The following ATPAF1 variants were observed in gnomAD, a reference collection of about 807,000 sequenced individuals.
ATPAF1 encodes ATP synthase mitochondrial F1 complex assembly factor 1.
Under a neutral mutation model 43.9 loss-of-function variants are expected in ATPAF1, and 26 were observed. The observed-to-expected ratio is 0.59, with a 90% CI of 0.43 to 0.82. ATPAF1 has a LOEUF of 0.82. Ranked by LOEUF, ATPAF1 falls within the 40% of genes least tolerant of loss-of-function variation. The pLI is 0.00. For synonymous variants in ATPAF1, 157 were observed against 168.0 expected, an observed-to-expected ratio of 0.93 and a Z score of 0.50; for missense variants, 366 against 435.0, an observed-to-expected ratio of 0.84 and a Z score of 1.41.
chr1:46,656,984 T>G (rs1188638554), intron 4 of ATPAF1, among the ~76,000 whole-genome samples: 1 of 152,152 alleles, frequency 6.6e-6, no homozygotes, highest in Non-Finnish European at 1.5e-5. Flanking sequence ...TGATACAGCA[T>G]ACAAAGGAAA....
At position 46,663,276 on chromosome 1, in the gene ATPAF1, G is replaced by T. The variant is rs571950390; in HGVS notation, c.375+1980C>A. Among the ~76,000 whole-genome samples the T allele has an allele frequency of 5.9e-5, 9 of 152,250 alleles. No individual in the cohort carries two copies. In the East Asian group the frequency reaches 1.5e-3, roughly 26 times the overall value. On this transcript the variant is annotated intron_variant, in intron 2 of 8. Transcript: ENST00000574428. ...ATGTGTCTTTATAGCAGCATGATTT[G>T]TAATCCTTTGGGTATATACCCAGTA...
In ATPAF1 at chr1:46,635,977, G is replaced by A. The variant is rs200142521; in HGVS notation, c.793-7C>T. 1.1e-5 allele frequency: 17 copies of A among 1,613,684 alleles called. No individual in the cohort carries two copies. Among genetic ancestry groups the A allele is most frequent in the Admixed American group, 1.7e-5 (1 of 60,006 alleles). On this transcript the variant is annotated splice_region_variant and splice_polypyrimidine_tract_variant and intron_variant, in intron 8 of 8. Transcript: ENST00000574428. ...ACTGTGCCTCAGCAACATTCTGTAA[G>A]GTAAAAAGAATAATGAGGTCCTTTC... is the stretch of plus-strand genomic sequence containing the variant.
In ATPAF1 at chr1:46,653,294, G is replaced by A. The variant is rs1209918376; in HGVS notation, c.540+523C>T. On this transcript the variant is annotated intron_variant, in intron 5 of 8. Transcript: ENST00000574428. This position sits in a 1 kb window ranked among gnomAD's most constrained non-coding sequence, Gnocchi z 4.8. ...GAGAAGCCAGCAGCATCCCTTCTCTGTCACAGACCTTAATGGTCAAGCAGT... is the reference window on the plus strand; with the variant it reads ...GAGAAGCCAGCAGCATCCCTTCTCTATCACAGACCTTAATGGTCAAGCAGT... Among the ~76,000 whole-genome samples the A allele has an allele frequency of 6.6e-6, 1 of 152,020 alleles. No homozygotes were observed. The highest frequency in any genetic ancestry group is 1.5e-5 in the Non-Finnish European group (1 of 68,022).
exon 9 of ATPAF1, chr1:46,635,238 T>TG: frequency 6.5e-6 from 1 of 153,530 alleles, no homozygotes; most frequent in Non-Finnish European, 1.5e-5. Flanking sequence ...AAGGCATCTC[T>TG]GGGGGGCATC....
chr1:46,666,235 G>T, intron 1 of ATPAF1: 1 of 200,968 alleles, frequency 5.0e-6, no homozygotes, highest in East Asian at 1.2e-4. Flanking sequence ...TCATGTAGAT[G>T]GGATGTTTTT....
exon 6 of ATPAF1, chr1:46,652,591 G>A (rs1265439939): frequency 3.1e-6 from 5 of 1,613,230 alleles, no homozygotes; most frequent in Admixed American, 1.7e-5. Flanking sequence ...TGTTGGACAG[G>A]ACTGAGCCCG....
chr1:46,660,668 T>C (rs538119986), intron 2 of ATPAF1, among the ~76,000 whole-genome samples: 2 of 152,312 alleles, frequency 1.3e-5, no homozygotes, highest in East Asian at 3.9e-4. Context: ...TTAAAGCAGT[T>C]GAAACTACAT....
chr1:46,663,518 T>C (rs1440046358), intron 2 of ATPAF1, among the ~76,000 whole-genome samples: 5 of 152,232 alleles, frequency 3.3e-5, no homozygotes, highest in Non-Finnish European at 7.3e-5. Context: ...TTGATTTGCA[T>C]TTCTCCAATG....
chr1:46,646,365 T>G (rs958602278), intron 6 of ATPAF1, among the ~76,000 whole-genome samples: 1 of 152,260 alleles, frequency 6.6e-6, no homozygotes, highest in African/African-American at 2.4e-5. Context: ...TTTCAATTTC[T>G]AAACTTTCTA....
intron 6 of ATPAF1, among the ~76,000 whole-genome samples, chr1:46,646,530 G>T (rs1676048459): frequency 6.6e-6 from 1 of 152,162 alleles, no homozygotes; most frequent in Admixed American, 6.5e-5. Context: ...AAAGAATGGT[G>T]CCAGAACAAA....
At chr1:46,641,624 T>A (rs1171535680) in intron 8 of ATPAF1, among the ~76,000 whole-genome samples, 1 of 152,200 alleles carries the variant, frequency 6.6e-6, no homozygotes, top group Non-Finnish European at 1.5e-5. Flanking sequence ...CTTCCATGTT[T>A]GTGAAATCAG....
At chr1:46,654,623 G>A (rs773395116) in intron 4 of ATPAF1, among the ~76,000 whole-genome samples, 6 of 151,258 alleles carry the variant, frequency 4.0e-5, no homozygotes, top group Non-Finnish European at 7.4e-5. Flanking sequence ...CGTGTGCCAT[G>A]TTGGTTTGCT....
intron 8 of ATPAF1, among the ~76,000 whole-genome samples, chr1:46,640,866 CT>C (rs999566245): frequency 6.6e-6 from 1 of 152,112 alleles, no homozygotes; most frequent in African/African-American, 2.4e-5. Context: ...ACTTTTCTTT[CT>C]TTTCACTGAG....
At position 46,668,359 on chromosome 1, in the gene ATPAF1, G is replaced by T; in HGVS notation, c.-37C>A. 1 of 1,293,988 alleles carries T rather than the reference G, an allele frequency of 7.7e-7. No individual in the cohort carries two copies. The highest frequency in any genetic ancestry group is 9.8e-7 in the Non-Finnish European group (1 of 1,019,794). The allele number at this position is 1,293,988 out of a possible 1,614,324, so 80.2% of individuals were successfully genotyped here. A position where few individuals can be genotyped will look rare whatever the true frequency, so the allele number is the denominator to read the frequency against. On this transcript the variant is annotated 5_prime_UTR_variant, in exon 1 of 9. Transcript: ENST00000574428. This position sits in a 1 kb window ranked among gnomAD's most constrained non-coding sequence, Gnocchi z 4.4. ...CCTCCTCCTCCTCCTCAGGCGCGTCGGCCTCGGCCCGCGGCCCGCGCGCCC... is the reference window on the plus strand; with the variant it reads ...CCTCCTCCTCCTCCTCAGGCGCGTCTGCCTCGGCCCGCGGCCCGCGCGCCC...
intron 8 of ATPAF1, among the ~76,000 whole-genome samples, chr1:46,641,377 C>T (rs1675947056): frequency 6.6e-6 from 1 of 152,206 alleles, no homozygotes; most frequent in African/African-American, 2.4e-5. Context: ...CTGTCCCAGC[C>T]TCAACTGGAC....
chr1:46,656,074 A>G (rs1216997885), intron 4 of ATPAF1, among the ~76,000 whole-genome samples: 1 of 152,224 alleles, frequency 6.6e-6, no homozygotes, highest in Non-Finnish European at 1.5e-5. Flanking sequence ...CATGTAATCT[A>G]AAAGAGGCAC....
At chr1:46,636,183 T>TTGTATTTTTCCTTTTCTTTTTTTG in intron 8 of ATPAF1, 1 of 628,038 alleles carries the variant, frequency 1.6e-6, no homozygotes, top group East Asian at 2.8e-5. Flanking sequence ...TCACACTGTA[T>TTGTATTTTTCCTTTTCTTTTTTTG]TGTATTTTTC....
chr1:46,668,373 G>C, upstream of ATPAF1: 2 of 1,258,994 alleles, frequency 1.6e-6, no homozygotes, highest in Non-Finnish European at 2.0e-6. This position sits in a 1 kb window ranked among gnomAD's most constrained non-coding sequence, Gnocchi z 4.4. Flanking sequence ...TCGGCCCGCG[G>C]CCCGCGCGCC....
At chr1:46,639,505 G>C (rs1177741876) in intron 8 of ATPAF1, among the ~76,000 whole-genome samples, 1 of 152,122 alleles carries the variant, frequency 6.6e-6, no homozygotes, top group Non-Finnish European at 1.5e-5. Flanking sequence ...ATCATCTATT[G>C]ACATAGATGT....
Sources: gnomAD v4.1 joint callset for allele counts (sites outside exome capture counted in the v4.1 genomes callset) on GRCh38, gnomAD v4.1.1 for gene constraint, Gnocchi (gnomAD v3.1) non-coding constraint, MANE v1.5 for transcripts, NCBI Gene and HGNC (gene_info 2026-07-23, HGNC 2026-07-21) for gene names.